Variants in CNTNAP5 observed in about 807,000 individuals in gnomAD.
CNTNAP5 encodes contactin-associated protein-like 5.
In CNTNAP5, 72 loss-of-function variants were observed where a neutral mutation model predicts 150.2. The ratio of observed to expected loss-of-function variants is 0.48; its 90% CI spans 0.40 to 0.58. The LOEUF (loss-of-function observed/expected upper bound fraction) is 0.58, where lower values mean the gene tolerates loss of function less well. Among genes scored for constraint, CNTNAP5 ranks in the 20% least tolerant of loss-of-function variants. The pLI, the probability that CNTNAP5 is intolerant of heterozygous loss-of-function variation, is 0.00. For missense variants in CNTNAP5, 1,636 were observed against 1,626.2 expected (o/e 1.01, Z -0.10); for synonymous variants, 672 against 619.8 (o/e 1.08, Z -1.25).
intron 3 of CNTNAP5, among the ~76,000 whole-genome samples, chr2:124,302,367 C>T (rs1295094177): frequency 1.3e-5 from 2 of 152,190 alleles, no homozygotes; most frequent in East Asian, 1.9e-4. Flanking sequence ...CAGAATAACA[C>T]AGACTGGGTA....
chr2:124,516,869 A>G (rs570004051), intron 8 of CNTNAP5, among the ~76,000 whole-genome samples: 4 of 152,342 alleles, frequency 2.6e-5, no homozygotes, highest in Non-Finnish European at 4.4e-5. Context: ...AGAGAGAAAG[A>G]GAGAAAGAGG....
intron 1 of CNTNAP5, among the ~76,000 whole-genome samples, chr2:124,136,678 A>T (rs938093588): frequency 5.3e-5 from 8 of 152,248 alleles, no homozygotes; most frequent in Non-Finnish European, 1.0e-4. Context: ...GTCAAAAATC[A>T]TAAATAGAAC....
chr2:124,662,774 C>T (rs944369154), intron 13 of CNTNAP5, among the ~76,000 whole-genome samples: 16 of 152,182 alleles, frequency 1.1e-4, no homozygotes, highest in Non-Finnish European at 2.1e-4. Context: ...CTAGAACATA[C>T]TATACGTAGT....
intron 1 of CNTNAP5, among the ~76,000 whole-genome samples, chr2:124,068,241 G>A (rs1682213604): frequency 6.6e-6 from 1 of 152,140 alleles, no homozygotes; most frequent in Non-Finnish European, 1.5e-5. Flanking sequence ...TCTACCCCCT[G>A]GCAGTGGCTG....
intron 1 of CNTNAP5, among the ~76,000 whole-genome samples, chr2:124,093,301 C>G (rs1050472846): frequency 4.6e-5 from 7 of 152,178 alleles, no homozygotes; most frequent in African/African-American, 1.7e-4. Context: ...CTAAGAATAG[C>G]TACCTGAGAG....
chr2:124,485,631 A>AAAAAAAAAAAAAAAAAAAGAAGAAG lies in CNTNAP5; in HGVS notation c.1062+10752_1062+10753insAAAAAAAAAAAAAAAGAAGAAGAAA, dbSNP rs1457112306. The stretch of plus-strand genomic sequence containing the variant: ...CTGTCTCAAAAAAAAAAAAAAAAAA[A>AAAAAAAAAAAAAAAAAAAGAAGAAG]AAAGAAGAAGGTGCATTTACCGGGG... On this transcript the variant is annotated intron_variant, in intron 7 of 23. Transcript: ENST00000682447. 5.0e-3 allele frequency among the ~76,000 whole-genome samples: 666 copies of AAAAAAAAAAAAAAAAAAAGAAGAAG among 133,770 alleles called. 14 individuals carry two copies. Among genetic ancestry groups the AAAAAAAAAAAAAAAAAAAGAAGAAG allele is most frequent in the East Asian group, 8.5e-3 (37 of 4,356 alleles). The allele number at this position is 133,770 out of a possible 152,430, so 87.8% of individuals were successfully genotyped here. A position where few individuals can be genotyped will look rare whatever the true frequency, so the allele number is the denominator to read the frequency against.
intron 11 of CNTNAP5, among the ~76,000 whole-genome samples, chr2:124,604,892 C>CTGTG (rs1697066829): frequency 6.6e-6 from 1 of 152,136 alleles, no homozygotes; most frequent in Admixed American, 6.5e-5. Flanking sequence ...ACATCCCATG[C>CTGTG]TGTGTGACCT....
chr2:124,653,915 C>CA (rs895968004), intron 13 of CNTNAP5, among the ~76,000 whole-genome samples: 1 of 134,428 alleles, frequency 7.4e-6, no homozygotes, highest in African/African-American at 2.8e-5. Flanking sequence ...CCCCCAACCC[C>CA]CCCCCCCCGC....
At chr2:124,280,772 A>G (rs1477501135) in intron 3 of CNTNAP5, among the ~76,000 whole-genome samples, 1 of 152,150 alleles carries the variant, frequency 6.6e-6, no homozygotes, top group Non-Finnish European at 1.5e-5. Context: ...CTCTAAAAAA[A>G]AAATACATTT....
At chr2:124,537,470 A>G (rs1316103543) in intron 10 of CNTNAP5, among the ~76,000 whole-genome samples, 1 of 152,164 alleles carries the variant, frequency 6.6e-6, no homozygotes, top group Non-Finnish European at 1.5e-5. Flanking sequence ...ATAGACGCAG[A>G]ACGAGCTCAG....
At chr2:124,898,857 C>CG (rs1678360587) in intron 21 of CNTNAP5, among the ~76,000 whole-genome samples, 1 of 151,468 alleles carries the variant, frequency 6.6e-6, no homozygotes, top group African/African-American at 2.4e-5. Flanking sequence ...CCACTCCCCC[C>CG]GGCCTCCTCC....
At chr2:124,302,682 C>T (rs1352502148) in intron 3 of CNTNAP5, among the ~76,000 whole-genome samples, 1 of 152,190 alleles carries the variant, frequency 6.6e-6, no homozygotes, top group Non-Finnish European at 1.5e-5. Context: ...CACTCTTGCA[C>T]TGGGGATTAG....
At chr2:124,515,838 A>G (rs1365810440) in intron 8 of CNTNAP5, among the ~76,000 whole-genome samples, 1 of 152,214 alleles carries the variant, frequency 6.6e-6, no homozygotes, top group Non-Finnish European at 1.5e-5. Flanking sequence ...GCCTGAAAAG[A>G]CAGAGGGAGA....
chr2:124,911,617 T>A, intron 23 of CNTNAP5, 79 bp downstream of exon 23: 1 of 1,145,176 alleles, frequency 8.7e-7, no homozygotes, highest in Non-Finnish European at 1.3e-6. Context: ...AAGCTTTCCT[T>A]AATTATGGCC....
chr2:124,723,974 A>G (rs989057747), intron 13 of CNTNAP5, among the ~76,000 whole-genome samples: 3 of 151,902 alleles, frequency 2.0e-5, no homozygotes, highest in African/African-American at 7.3e-5. Context: ...GTGAAATCCC[A>G]TCTCTGTTAA....
chr2:124,337,692 G>A (rs1034335807), intron 3 of CNTNAP5, among the ~76,000 whole-genome samples: 68 of 152,094 alleles, frequency 4.5e-4, no homozygotes, highest in African/African-American at 1.5e-3. Flanking sequence ...GTAGATATGC[G>A]GCATTATTTC....
At chr2:124,840,943 T>G (rs78922383) in intron 19 of CNTNAP5, among the ~76,000 whole-genome samples, 3,527 of 152,156 alleles carry the variant, frequency 0.023, 69 homozygotes, top group Non-Finnish European at 0.038. Context: ...ATTGACATCT[T>G]TAAACTTTAA....
Position 124,116,624 on chromosome 2 carries a change from ACT to A in CNTNAP5, c.82+90895_82+90896del, listed in dbSNP as rs1221722548. Among the ~76,000 whole-genome samples the A allele has an allele frequency of 5.9e-5, 9 of 152,182 alleles. No individual in the cohort carries two copies. The East Asian group carries it at 1.7e-3, about 29-fold the overall frequency. On this transcript the variant is annotated intron_variant, in intron 1 of 23. Coordinates refer to ENST00000682447, the MANE Select transcript of CNTNAP5 (RefSeq NM_001367498.1). ...TGATTGGGCTTTTCCTAGAAGATAA[ACT>A]CTTCCATTTTTACATAAATTTAAAT...
At chr2:124,097,511 C>T (rs1243040936) in intron 1 of CNTNAP5, among the ~76,000 whole-genome samples, 2 of 152,202 alleles carry the variant, frequency 1.3e-5, no homozygotes, top group Admixed American at 1.3e-4. Flanking sequence ...CCTCGCCACT[C>T]TCACCTTGGA....
Sources: gnomAD v4.1 joint callset for allele counts (sites outside exome capture counted in the v4.1 genomes callset) on GRCh38, gnomAD v4.1.1 for gene constraint, MANE v1.5 for transcripts, NCBI Gene and HGNC (gene_info 2026-07-23, HGNC 2026-07-21) for gene names.